Variants in DPP10 observed in about 807,000 individuals in gnomAD.
DPP10 encodes dipeptidyl peptidase like 10.
A neutral mutation model predicts 120.9 loss-of-function variants in DPP10; 33 were observed. The observed-to-expected ratio is 0.27, with a 90% CI of 0.21 to 0.37. The LOEUF is 0.37. Ranked by LOEUF, DPP10 falls within the 10% of genes least tolerant of loss-of-function variation. The pLI is 1.00. For missense variants in DPP10, 816 were observed against 942.8 expected (o/e 0.87, Z 1.76); for synonymous variants, 337 against 326.1 (o/e 1.03, Z -0.36).
At chr2:114,485,197 C>T (rs979330261) in intron 1 of DPP10, among the ~76,000 whole-genome samples, 4 of 152,062 alleles carry the variant, frequency 2.6e-5, no homozygotes, top group African/African-American at 9.7e-5. Context: ...TGTCAAAAGA[C>T]AAAATTACAA....
chr2:114,934,249 C>A (rs1696291650), intron 1 of DPP10, among the ~76,000 whole-genome samples: 1 of 152,134 alleles, frequency 6.6e-6, no homozygotes, highest in Non-Finnish European at 1.5e-5. Flanking sequence ...ACTTTTGACT[C>A]CCCAAAAACT....
At chr2:115,454,028 C>G (rs575247936) in intron 3 of DPP10, among the ~76,000 whole-genome samples, 1 of 151,316 alleles carries the variant, frequency 6.6e-6, no homozygotes, top group African/African-American at 2.4e-5. Flanking sequence ...AAAGTGGGGT[C>G]AATGAGAATT....
intron 1 of DPP10, among the ~76,000 whole-genome samples, chr2:114,784,061 G>A (rs1682561091): frequency 6.6e-6 from 1 of 152,074 alleles, no homozygotes; most frequent in South Asian, 2.1e-4. Flanking sequence ...GGGAGTTAAT[G>A]CCTGTGAGGC....
chr2:114,801,465 TG>T (rs886300612), intron 1 of DPP10, among the ~76,000 whole-genome samples: 1 of 152,228 alleles, frequency 6.6e-6, no homozygotes, highest in African/African-American at 2.4e-5. Context: ...TTAACCTACT[TG>T]GGGTTTGGAG....
At chr2:115,146,641 G>A (rs911905987) in intron 1 of DPP10, among the ~76,000 whole-genome samples, 1 of 151,084 alleles carries the variant, frequency 6.6e-6, no homozygotes, top group African/African-American at 2.4e-5. Flanking sequence ...TATCATTCTG[G>A]TATAGTCTGA....
chr2:115,591,928 G>A (rs2082689009), intron 5 of DPP10, among the ~76,000 whole-genome samples: 1 of 152,150 alleles, frequency 6.6e-6, no homozygotes, highest in East Asian at 1.9e-4. Context: ...AAGCAATTGT[G>A]AATGGGAGTT....
chr2:114,461,375 G>T (rs1021744447), intron 1 of DPP10, among the ~76,000 whole-genome samples: 10 of 152,192 alleles, frequency 6.6e-5, no homozygotes, highest in Non-Finnish European at 4.4e-5. Context: ...AATAAAGAGA[G>T]GCGCCAAGCC....
intron 1 of DPP10, among the ~76,000 whole-genome samples, chr2:114,537,771 C>A (rs1181877961): frequency 6.6e-6 from 1 of 152,188 alleles, no homozygotes; most frequent in African/African-American, 2.4e-5. Flanking sequence ...AGTTATTTTT[C>A]TGGAATCACA....
intron 1 of DPP10, among the ~76,000 whole-genome samples, chr2:114,989,777 A>G (rs1262530762): frequency 1.3e-5 from 2 of 152,206 alleles, no homozygotes; most frequent in Non-Finnish European, 2.9e-5. Context: ...TTAAAATAAG[A>G]CAGACGTCTA....
intron 5 of DPP10, among the ~76,000 whole-genome samples, chr2:115,532,491 T>A (rs1319316980): frequency 2.6e-5 from 4 of 152,096 alleles, no homozygotes; most frequent in Admixed American, 2.0e-4. Flanking sequence ...GGAAGGCAAG[T>A]GAAACATACT....
At chr2:115,149,897 T>G (rs981889826) in intron 1 of DPP10, among the ~76,000 whole-genome samples, 32 of 152,212 alleles carry the variant, frequency 2.1e-4, no homozygotes, top group African/African-American at 5.8e-4. Flanking sequence ...TAATTTATAC[T>G]AGGTCAGTCA....
At chr2:115,367,280 A>T (rs2065137039) in intron 3 of DPP10, among the ~76,000 whole-genome samples, 5 of 151,836 alleles carry the variant, frequency 3.3e-5, no homozygotes, top group Admixed American at 3.3e-4. Flanking sequence ...TTTTTAAACT[A>T]CTTTTTGGCA....
intron 3 of DPP10, among the ~76,000 whole-genome samples, chr2:115,394,767 G>A (rs969180902): frequency 6.6e-6 from 1 of 151,980 alleles, no homozygotes; most frequent in African/African-American, 2.4e-5. Flanking sequence ...CAGGTCAGAG[G>A]GCCACGTATT....
At chr2:114,459,683 T>C (rs1423246555) in intron 1 of DPP10, among the ~76,000 whole-genome samples, 1 of 152,220 alleles carries the variant, frequency 6.6e-6, no homozygotes, top group Admixed American at 6.5e-5. Context: ...TGGATAATCA[T>C]CTAGTTTATT....
chr2:114,775,612 T>A (rs919215037), intron 1 of DPP10, among the ~76,000 whole-genome samples: 4 of 152,158 alleles, frequency 2.6e-5, no homozygotes, highest in Non-Finnish European at 5.9e-5. Flanking sequence ...TGAGGAAGCC[T>A]AGAAAGTTTG....
intron 1 of DPP10, among the ~76,000 whole-genome samples, chr2:114,864,098 A>G (rs1181499135): frequency 6.6e-6 from 1 of 152,270 alleles, no homozygotes; most frequent in Admixed American, 6.5e-5. Context: ...GGTCTCTTAG[A>G]GAAACATAAT....
At chr2:114,862,607 C>A (rs1390634442) in intron 1 of DPP10, among the ~76,000 whole-genome samples, 1 of 151,482 alleles carries the variant, frequency 6.6e-6, no homozygotes, top group African/African-American at 2.4e-5. Flanking sequence ...AAAAGTTAAA[C>A]CTAAAAAAGA....
intron 1 of DPP10, among the ~76,000 whole-genome samples, chr2:114,737,783 A>G (rs1677600895): frequency 6.6e-6 from 1 of 152,196 alleles, no homozygotes; most frequent in Admixed American, 6.5e-5. Context: ...AAGCCACATA[A>G]GCCTGCTTCC....
chr2:114,715,166 C>T (rs184290232), intron 1 of DPP10, among the ~76,000 whole-genome samples: 340 of 152,202 alleles, frequency 2.2e-3, no homozygotes, highest in African/African-American at 7.3e-3. Context: ...TGACAAGAGG[C>T]CCTGATCCCA....
Sources: allele counts gnomAD v4.1 joint callset (sites outside exome capture counted in the v4.1 genomes callset), GRCh38; gene constraint gnomAD v4.1.1; transcripts MANE v1.5; gene names NCBI Gene and HGNC (gene_info 2026-07-23, HGNC 2026-07-21).